The following ZNF385D variants were observed in gnomAD, a reference collection of about 807,000 sequenced individuals.
ZNF385D encodes the protein zinc finger protein 659.
Under a neutral mutation model 35.8 loss-of-function variants are expected in ZNF385D, and 15 were observed. The observed-to-expected ratio is 0.42, with a 90% CI of 0.28 to 0.64. The LOEUF (loss-of-function observed/expected upper bound fraction) is 0.64. Among genes scored for constraint, ZNF385D ranks in the 30% least tolerant of loss-of-function variants. The probability of loss-of-function intolerance (pLI) is 0.23; values close to 1 mark genes in which losing one functional copy is unlikely to be tolerated. For synonymous variants in ZNF385D, 212 were observed against 186.8 expected (o/e 1.13, Z -1.10); for missense variants, 474 against 494.6 (o/e 0.96, Z 0.39).
At chr3:22,363,362 G>A (rs1696505074) in intron 2 of ZNF385D, among the ~76,000 whole-genome samples, 1 of 152,122 alleles carries the variant, frequency 6.6e-6, no homozygotes, top group Admixed American at 6.6e-5. Flanking sequence ...ATTAAAAGGG[G>A]AAAAATGGAT....
At chr3:22,150,125 G>A (rs1705123949) in intron 3 of ZNF385D, among the ~76,000 whole-genome samples, 1 of 152,034 alleles carries the variant, frequency 6.6e-6, no homozygotes, top group South Asian at 2.1e-4. Context: ...AATAAACAAG[G>A]CAAATAAGAT....
chr3:22,159,772 T>C (rs1056859023), intron 3 of ZNF385D, among the ~76,000 whole-genome samples: 6 of 152,136 alleles, frequency 3.9e-5, no homozygotes, highest in Non-Finnish European at 8.8e-5. Flanking sequence ...CAAACAAGAA[T>C]ACAGTGTCTT....
chr3:21,769,156 C>T (rs1479920428), intron 3 of ZNF385D, among the ~76,000 whole-genome samples: 1 of 152,028 alleles, frequency 6.6e-6, no homozygotes, highest in Non-Finnish European at 1.5e-5. Flanking sequence ...TGGAAACATT[C>T]CCTTTGAAAA....
rs772074989 is a variant in ZNF385D, at chr3:22,011,029, A to G, written c.325+157788T>C. Among the ~76,000 whole-genome samples the G allele has an allele frequency of 1.5e-3, 225 of 152,296 alleles. 1 individual carries two copies. Among genetic ancestry groups the G allele is most frequent in the Non-Finnish European group, 2.0e-3 (133 of 68,012 alleles). ...CATAATTGAAAAGGTTTTATTGCCA[A>G]TATAACTCATTAAAGACATGATACA... On this transcript the variant is annotated intron_variant, in intron 3 of 5. Transcript: ENST00000494108.
intron 3 of ZNF385D, among the ~76,000 whole-genome samples, chr3:21,845,011 T>C (rs1695910564): frequency 2.1e-5 from 3 of 144,114 alleles, no homozygotes; most frequent in African/African-American, 7.3e-5. Flanking sequence ...GGCAAACATG[T>C]AAATAAATAA....
intron 3 of ZNF385D, among the ~76,000 whole-genome samples, chr3:21,894,434 T>C (rs979327148): frequency 6.6e-6 from 1 of 152,190 alleles, no homozygotes; most frequent in East Asian, 1.9e-4. Flanking sequence ...CCCTGAGTTT[T>C]AAACTTTCTA....
intron 2 of ZNF385D, among the ~76,000 whole-genome samples, chr3:21,614,736 A>T (rs1031697809): frequency 6.6e-5 from 10 of 152,112 alleles, no homozygotes; most frequent in African/African-American, 1.9e-4. Flanking sequence ...CTGCAGGCGA[A>T]TGCCACCTCG....
intron 3 of ZNF385D, among the ~76,000 whole-genome samples, chr3:21,814,791 A>G (rs900835779): frequency 5.9e-5 from 9 of 152,184 alleles, no homozygotes; most frequent in African/African-American, 2.2e-4. Context: ...GAAAGTTAAC[A>G]AGGATATCCA....
intron 3 of ZNF385D, among the ~76,000 whole-genome samples, chr3:21,804,946 A>G (rs2072570454): frequency 6.6e-6 from 1 of 152,218 alleles, no homozygotes; most frequent in Admixed American, 6.5e-5. Context: ...TATGACTAGA[A>G]AAGCATTCAA....
intron 2 of ZNF385D, among the ~76,000 whole-genome samples, chr3:22,369,830 T>A (rs1398895691): frequency 6.6e-6 from 1 of 152,190 alleles, no homozygotes; most frequent in African/African-American, 2.4e-5. Context: ...TAGACAGTAC[T>A]AACATTACTT....
intron 2 of ZNF385D, among the ~76,000 whole-genome samples, chr3:22,195,636 A>G (rs1004315604): frequency 1.3e-5 from 2 of 152,002 alleles, no homozygotes; most frequent in African/African-American, 4.8e-5. Flanking sequence ...AAAAATGACT[A>G]TACTTTTTAC....
Position 22,328,580 on chromosome 3 carries a change from C to T in ZNF385D, c.106+43870G>A, listed in dbSNP as rs1049514551. ...GATATCGAGACCATCCTGGCCAACACGGTGAAACCTCACCTCTACTAAAAA... is the reference window on the plus strand; with the variant it reads ...GATATCGAGACCATCCTGGCCAACATGGTGAAACCTCACCTCTACTAAAAA... On this transcript the variant is annotated intron_variant, in intron 2 of 5. Coordinates refer to the ZNF385D transcript ENST00000494108. Among the ~76,000 whole-genome samples, 9 of 151,606 alleles carry T rather than the reference C, an allele frequency of 5.9e-5. No homozygotes were observed. The East Asian group carries it at 1.8e-3, about 30-fold the overall frequency.
chr3:21,874,803 C>G (rs1697878338), intron 3 of ZNF385D, among the ~76,000 whole-genome samples: 1 of 151,988 alleles, frequency 6.6e-6, no homozygotes, highest in Admixed American at 6.6e-5. Context: ...TGAGATTGCA[C>G]TGGATCTGCT....
intron 3 of ZNF385D, among the ~76,000 whole-genome samples, chr3:21,845,406 TTC>T (rs1275615073): frequency 6.6e-6 from 1 of 152,118 alleles, no homozygotes; most frequent in East Asian, 1.9e-4. Context: ...CTATTATATT[TTC>T]TCTCTCTTCT....
chr3:21,825,897 T>C (rs913524229), intron 3 of ZNF385D, among the ~76,000 whole-genome samples: 2 of 152,192 alleles, frequency 1.3e-5, no homozygotes, highest in South Asian at 4.1e-4. Flanking sequence ...TCCGCTCCTT[T>C]CCCACCAGCG....
Position 21,646,145 on chromosome 3 carries a change from T to TA in ZNF385D, c.165+18740dup. On this transcript the variant is annotated intron_variant, in intron 2 of 7. Coordinates refer to ENST00000281523, the MANE Select transcript of ZNF385D (RefSeq NM_024697.3). This position sits in a 1 kb window ranked among gnomAD's most constrained non-coding sequence, Gnocchi z 4.3. Reference sequence around the variant, plus strand: ...AAACCTCAGGGAAATTTTTAAAAACTATTTTTCATTTTAAAAGTTAAGGAA... The same window carrying TA: ...AAACCTCAGGGAAATTTTTAAAAACTAATTTTTCATTTTAAAAGTTAAGGAA... Among the ~76,000 whole-genome samples the TA allele has an allele frequency of 6.6e-6, 1 of 152,312 alleles. No individual in the cohort carries two copies. The highest frequency in any genetic ancestry group is 2.1e-4 in the South Asian group (1 of 4,832).
chr3:22,220,580 C>G (rs971059243), intron 2 of ZNF385D, among the ~76,000 whole-genome samples: 1 of 152,196 alleles, frequency 6.6e-6, no homozygotes, highest in Non-Finnish European at 1.5e-5. Context: ...AGTACAAACA[C>G]TATTCACAAG....
intron 2 of ZNF385D, among the ~76,000 whole-genome samples, chr3:22,291,625 T>C (rs1176590521): frequency 6.6e-6 from 1 of 152,050 alleles, no homozygotes; most frequent in Non-Finnish European, 1.5e-5. Context: ...AGAAGTGTAA[T>C]AATTTTATTG....
chr3:21,761,580 T>G (rs1266092865), intron 3 of ZNF385D, among the ~76,000 whole-genome samples: 1 of 152,030 alleles, frequency 6.6e-6, no homozygotes, highest in Non-Finnish European at 1.5e-5. Context: ...AGAACCAACA[T>G]AGAGAGGTGA....
Sources: gnomAD v4.1 joint callset for allele counts (sites outside exome capture counted in the v4.1 genomes callset) on GRCh38, gnomAD v4.1.1 for gene constraint, Gnocchi (gnomAD v3.1) non-coding constraint, MANE v1.5 for transcripts, NCBI Gene and HGNC (gene_info 2026-07-23, HGNC 2026-07-21) for gene names.